Variants in TMEM245 observed in about 807,000 individuals in gnomAD.
The protein encoded by TMEM245 is protein CG-2.
TMEM245 carries 69 observed loss-of-function variants against 101.2 expected under a neutral mutation model. That is an observed-to-expected ratio of 0.68 (90% CI 0.56 to 0.83). The LOEUF (loss-of-function observed/expected upper bound fraction) is 0.83. Among genes scored for constraint, TMEM245 ranks in the 40% least tolerant of loss-of-function variants. The probability of loss-of-function intolerance (pLI) is 0.00; values close to 1 mark genes in which losing one functional copy is unlikely to be tolerated. For synonymous variants in TMEM245, 537 were observed against 449.8 expected (o/e 1.19, Z -2.45); for missense variants, 1,075 against 1,092.8 (o/e 0.98, Z 0.23).
chr9:109,098,973 T>C (rs1401934389), intron 3 of TMEM245, among the ~76,000 whole-genome samples: 2 of 152,216 alleles, frequency 1.3e-5, no homozygotes, highest in African/African-American at 2.4e-5. Context: ...TTAATAAGCA[T>C]GGGTAAATAT....
At chr9:109,081,746 CATGACT>C (rs1020053161) in intron 7 of TMEM245, among the ~76,000 whole-genome samples, 2 of 152,162 alleles carry the variant, frequency 1.3e-5, no homozygotes, top group African/African-American at 4.8e-5. Context: ...AGCTTTATGA[CATGACT>C]ATAATTGATA....
Position 109,015,305 on chromosome 9 carries a change from T to A in TMEM245, c.*5155A>T, listed in dbSNP as rs1466295198. Reference sequence around the variant, plus strand: ...GTATTCGAATATTCTTTTTTACTTTTGAATTGCCTCCTTCACCTGAGAACC... The same window carrying A: ...GTATTCGAATATTCTTTTTTACTTTAGAATTGCCTCCTTCACCTGAGAACC... On this transcript the variant is annotated 3_prime_UTR_variant, in exon 18 of 18. Transcript: ENST00000374586. 6.6e-6 allele frequency: 1 copy of A among 152,240 alleles called. No individual in the cohort carries two copies. The highest frequency in any genetic ancestry group is 1.5e-5 in the Non-Finnish European group (1 of 68,042). The allele number at this position is 152,240 out of a possible 1,614,324, so 9.4% of individuals were successfully genotyped here. A position where few individuals can be genotyped will look rare whatever the true frequency, so the allele number is the denominator to read the frequency against.
chr9:109,045,777 T>C (rs1424604513), intron 14 of TMEM245, among the ~76,000 whole-genome samples: 2 of 152,228 alleles, frequency 1.3e-5, no homozygotes, highest in African/African-American at 2.4e-5. Flanking sequence ...AGGTTAAGCA[T>C]ACCTTTACTG....
intron 14 of TMEM245, among the ~76,000 whole-genome samples, chr9:109,043,596 A>G (rs1440036585): frequency 1.5e-5 from 1 of 66,496 alleles, no homozygotes; most frequent in Non-Finnish European, 3.0e-5. Flanking sequence ...AGCACTCAAT[A>G]GTTGATGAGA....
intron 8 of TMEM245, among the ~76,000 whole-genome samples, chr9:109,075,155 G>A (rs1829460077): frequency 6.6e-6 from 1 of 152,194 alleles, no homozygotes; most frequent in Non-Finnish European, 1.5e-5. Flanking sequence ...AGAAGTGACT[G>A]GATTTGAGAC....
intron 9 of TMEM245, among the ~76,000 whole-genome samples, chr9:109,071,538 A>G (rs72760337): frequency 0.13 from 20,269 of 151,626 alleles, 1,589 homozygotes; most frequent in African/African-American, 0.19. Context: ...CAGGAGATCA[A>G]GCCTTCAGTG....
chr9:109,031,697 T>C (rs72760312), intron 17 of TMEM245, among the ~76,000 whole-genome samples: 22,510 of 152,124 alleles, frequency 0.15, 1,885 homozygotes, highest in African/African-American at 0.19. Flanking sequence ...TGGGTGTGAG[T>C]ACATGAAAAA....
chr9:109,096,570 G>C (rs531733520), intron 3 of TMEM245, among the ~76,000 whole-genome samples: 1 of 152,298 alleles, frequency 6.6e-6, no homozygotes, highest in East Asian at 1.9e-4. Flanking sequence ...GCAAGACTTA[G>C]CTTTGCAGCA....
chr9:109,062,583 A>T (rs1829048029), intron 10 of TMEM245, among the ~76,000 whole-genome samples: 2 of 152,238 alleles, frequency 1.3e-5, no homozygotes, highest in South Asian at 4.1e-4. Flanking sequence ...TATGTGAACC[A>T]GTTACTAGAC....
intron 1 of TMEM245, among the ~76,000 whole-genome samples, chr9:109,109,734 A>G (rs1830519578): frequency 6.6e-6 from 1 of 152,146 alleles, no homozygotes; most frequent in Non-Finnish European, 1.5e-5. Context: ...GATTACCTAA[A>G]AGGTCAACAA....
rs910981546 is a variant in TMEM245, at chr9:109,069,342, GACA to G, written c.1532+4011_1532+4013del. The stretch of plus-strand genomic sequence containing the variant: ...TGAGGGCTGAGGCTGAGCCCTAGAG[GACA>G]ACATTTGGAAGGTCTATCATCCTAT... On this transcript the variant is annotated intron_variant, in intron 9 of 17. Transcript: ENST00000374586. Among the ~76,000 whole-genome samples, 131 of 152,196 alleles carry G rather than the reference GACA, an allele frequency of 8.6e-4. 1 individual carries two copies. Among genetic ancestry groups the G allele is most frequent in the African/African-American group, 2.9e-3 (122 of 41,516 alleles).
chr9:109,067,797 A>C (rs1188552960), intron 9 of TMEM245, among the ~76,000 whole-genome samples: 2 of 152,180 alleles, frequency 1.3e-5, no homozygotes, highest in East Asian at 3.9e-4. Context: ...ATCCAGCAGA[A>C]GTCAAGGGAC....
chr9:109,089,622 A>C (rs58795279), intron 5 of TMEM245, among the ~76,000 whole-genome samples: 2 of 152,048 alleles, frequency 1.3e-5, no homozygotes, highest in African/African-American at 4.8e-5. Flanking sequence ...AGAGAGCCCA[A>C]ATAATCAGGA....
At chr9:109,039,834 T>A (rs184236569) in intron 14 of TMEM245, among the ~76,000 whole-genome samples, 1 of 151,288 alleles carries the variant, frequency 6.6e-6, no homozygotes, top group Admixed American at 6.6e-5. Flanking sequence ...AATGACATAA[T>A]CGACCACAGA....
Position 109,015,581 on chromosome 9 carries a change from A to G in TMEM245, c.*4879T>C, listed in dbSNP as rs1400383053. The G allele has an allele frequency of 6.6e-6, 1 of 152,648 alleles. No homozygotes were observed. The highest frequency in any genetic ancestry group is 1.5e-5 in the Non-Finnish European group (1 of 68,036). The allele number at this position is 152,648 out of a possible 1,614,324, so 9.5% of individuals were successfully genotyped here. A position where few individuals can be genotyped will look rare whatever the true frequency, so the allele number is the denominator to read the frequency against. On this transcript the variant is annotated 3_prime_UTR_variant, in exon 18 of 18. Transcript: ENST00000374586. Reference sequence around the variant, plus strand: ...TTTGCTTCCATACTTTTCACTGTAAAATAAAAAGCTAGCAAAAAGCTAGTA... The same window carrying G: ...TTTGCTTCCATACTTTTCACTGTAAGATAAAAAGCTAGCAAAAAGCTAGTA...
At chr9:109,070,837 G>A (rs1426997916) in intron 9 of TMEM245, among the ~76,000 whole-genome samples, 1 of 152,038 alleles carries the variant, frequency 6.6e-6, no homozygotes, top group African/African-American at 2.4e-5. Context: ...AAATGAAATC[G>A]TACCATTTGG....
chr9:109,106,626 ATTAACATTT>A lies in TMEM245; in HGVS notation c.698-26_698-18del, dbSNP rs1564210042. 6.3e-7 allele frequency: 1 copy of A among 1,575,350 alleles called. No individual in the cohort carries two copies. The highest frequency in any genetic ancestry group is 1.2e-5 in the South Asian group (1 of 86,532). On this transcript the variant is annotated intron_variant, in intron 2 of 17. Coordinates refer to ENST00000374586, the MANE Select transcript of TMEM245 (RefSeq NM_032012.4). Reference sequence around the variant, plus strand: ...CCAGGGATGCTGCAAATTATTAAGAATTAACATTTTTAGTGAAATAAAAACCTAGTACTT... The same window carrying A: ...CCAGGGATGCTGCAAATTATTAAGAATTAGTGAAATAAAAACCTAGTACTT...
chr9:109,056,887 A>G lies in TMEM245; in HGVS notation c.1854+304T>C, dbSNP rs1278416424. 2.6e-5 allele frequency among the ~76,000 whole-genome samples: 4 copies of G among 152,138 alleles called. No homozygotes were observed. The East Asian group carries it at 5.8e-4, about 22-fold the overall frequency. On this transcript the variant is annotated intron_variant, in intron 12 of 17. Coordinates refer to ENST00000374586, the MANE Select transcript of TMEM245 (RefSeq NM_032012.4). ...ATCCCATCCCTCCAATGTAACTGGA[A>G]CCATATTTCCATCTGGTCAAGGGTC... is the stretch of plus-strand genomic sequence containing the variant.
chr9:109,109,877 T>C (rs2132654161), intron 1 of TMEM245, among the ~76,000 whole-genome samples: 1 of 152,312 alleles, frequency 6.6e-6, no homozygotes, highest in East Asian at 1.9e-4. Context: ...AAAATACTTG[T>C]GCTGTGATTA....
Sources: gnomAD v4.1 joint callset for allele counts (sites outside exome capture counted in the v4.1 genomes callset) on GRCh38, gnomAD v4.1.1 for gene constraint, MANE v1.5 for transcripts, NCBI Gene and HGNC (gene_info 2026-07-23, HGNC 2026-07-21) for gene names.